Variants in WARS2 observed in about 807,000 individuals in gnomAD.
The protein encoded by WARS2 is tryptophan--tRNA ligase, mitochondrial.
WARS2 carries 28 observed loss-of-function variants against 36.5 expected under a neutral mutation model. The ratio of observed to expected loss-of-function variants is 0.77; its 90% CI spans 0.57 to 1.05. The LOEUF (loss-of-function observed/expected upper bound fraction) is 1.05, where lower values mean the gene tolerates loss of function less well. Ranked by LOEUF, WARS2 falls within the 50% of genes least tolerant of loss-of-function variation. The pLI is 0.00. For synonymous variants in WARS2, 174 were observed against 178.4 expected (o/e 0.98, Z 0.20); for missense variants, 435 against 456.8 (o/e 0.95, Z 0.44).
chr1:119,120,882 A>C (rs1655285067), intron 1 of WARS2, among the ~76,000 whole-genome samples: 1 of 152,144 alleles, frequency 6.6e-6, no homozygotes, highest in Non-Finnish European at 1.5e-5. Flanking sequence ...ATTAGCATAG[A>C]AGGGATATAT....
At chr1:119,040,594 G>A (rs1265910287) in intron 4 of WARS2, among the ~76,000 whole-genome samples, 1 of 152,182 alleles carries the variant, frequency 6.6e-6, no homozygotes, top group East Asian at 1.9e-4. Context: ...CTTCAGGCAT[G>A]CAACATCACA....
chr1:119,078,738 T>C (rs1651957392), intron 1 of WARS2, among the ~76,000 whole-genome samples: 1 of 152,214 alleles, frequency 6.6e-6, no homozygotes, highest in African/African-American at 2.4e-5. Context: ...GTCAATTACA[T>C]GTAGGGCATA....
intron 4 of WARS2, among the ~76,000 whole-genome samples, chr1:119,038,040 T>C (rs1033065312): frequency 2.0e-4 from 30 of 152,348 alleles, no homozygotes; most frequent in African/African-American, 7.0e-4. Flanking sequence ...AATAGCTTCC[T>C]GTTACTTTTT....
intron 1 of WARS2, among the ~76,000 whole-genome samples, chr1:119,137,751 G>A (rs997267863): frequency 2.6e-5 from 4 of 152,100 alleles, no homozygotes; most frequent in Admixed American, 6.5e-5. Flanking sequence ...AAAATAAACC[G>A]TTTTCATATA....
chr1:119,136,614 T>C (rs1652134589), intron 1 of WARS2, among the ~76,000 whole-genome samples: 1 of 152,186 alleles, frequency 6.6e-6, no homozygotes, highest in Non-Finnish European at 1.5e-5. Context: ...ACACATACCA[T>C]GCTGATTAGC....
intron 2 of WARS2, among the ~76,000 whole-genome samples, chr1:119,069,337 AT>A: frequency 6.6e-6 from 1 of 152,360 alleles, no homozygotes; most frequent in African/African-American, 2.4e-5. Context: ...CTCCCAAAAC[AT>A]TAAATAAAAT....
chr1:119,100,559 G>T (rs1653782254), intron 1 of WARS2, among the ~76,000 whole-genome samples: 1 of 152,338 alleles, frequency 6.6e-6, no homozygotes, highest in South Asian at 2.1e-4. Flanking sequence ...ATCAACAGAT[G>T]AATGGATAAA....
intron 1 of WARS2, among the ~76,000 whole-genome samples, chr1:119,088,170 G>T (rs1369821690): frequency 6.6e-6 from 1 of 152,074 alleles, no homozygotes. Context: ...AAAACATTAT[G>T]AATGAAAAAG....
At position 119,033,239 on chromosome 1, in the gene WARS2, C is replaced by G; in HGVS notation, c.755G>C (p.Arg252Pro). 6.2e-7 allele frequency: 1 copy of G among 1,614,246 alleles called. No individual in the cohort carries two copies. The highest frequency in any genetic ancestry group is 8.5e-7 in the Non-Finnish European group (1 of 1,180,036). The change falls in exon 6 of 6, where the codon CGC becomes CCC. Residue 252 changes from arginine (R) to proline (P), a missense_variant. By Grantham distance (103) the Arg-to-Pro change is moderately radical. Transcript: ENST00000235521. The stretch of plus-strand genomic sequence containing the variant: ...CGAGGTGAAGTCTGTCACAGCCTTG[C>G]GGAATTTCTGCACTATCTCCTCTGG... Reference protein sequence around the residue: ...DSPEEIVQKFRKAVTDFTSEV... With the variant: ...DSPEEIVQKFPKAVTDFTSEV...
chr1:119,115,827 T>C (rs1219860611), intron 1 of WARS2, among the ~76,000 whole-genome samples: 1 of 152,196 alleles, frequency 6.6e-6, no homozygotes, highest in East Asian at 1.9e-4. Context: ...CAGATGGGTG[T>C]TACTGTTAAT....
chr1:119,061,361 T>G (rs1372494775), intron 2 of WARS2, among the ~76,000 whole-genome samples: 2 of 152,132 alleles, frequency 1.3e-5, no homozygotes, highest in Non-Finnish European at 2.9e-5. Flanking sequence ...GCAGATAAAT[T>G]TTTTAAACCA....
chr1:119,082,455 G>A, intron 1 of WARS2: 1 of 985,274 alleles, frequency 1.0e-6, no homozygotes, highest in Non-Finnish European at 1.2e-6. Context: ...ATGTAGTGAA[G>A]GTAGGAATCA....
chr1:119,059,312 A>C (rs1478854766), intron 2 of WARS2, among the ~76,000 whole-genome samples: 1 of 151,864 alleles, frequency 6.6e-6, no homozygotes, highest in Non-Finnish European at 1.5e-5. Context: ...TAGTTTAATT[A>C]GATCCCATTT....
At chr1:119,071,749 A>C (rs995937616) in intron 2 of WARS2, among the ~76,000 whole-genome samples, 5 of 152,204 alleles carry the variant, frequency 3.3e-5, no homozygotes, top group Non-Finnish European at 7.3e-5. Context: ...TCTATGGTAC[A>C]ATATGGTGAC....
intron 2 of WARS2, among the ~76,000 whole-genome samples, chr1:119,074,193 A>T (rs1267997915): frequency 1.3e-5 from 2 of 152,294 alleles, no homozygotes; most frequent in East Asian, 3.9e-4. Context: ...TTGGCAATGG[A>T]TGTGAAGCTC....
chr1:119,125,646 A>G (rs928714970), intron 1 of WARS2, among the ~76,000 whole-genome samples: 1 of 152,210 alleles, frequency 6.6e-6, no homozygotes, highest in African/African-American at 2.4e-5. Flanking sequence ...TCAGGAGACA[A>G]TGGGTCCAAA....
At chr1:119,112,207 C>G (rs78270676) in intron 1 of WARS2, among the ~76,000 whole-genome samples, 13,767 of 152,212 alleles carry the variant, frequency 0.09, 857 homozygotes, top group Non-Finnish European at 0.13. Flanking sequence ...TAGGCATGAG[C>G]CACCACGTCT....
chr1:119,045,438 C>A (rs1648711875), intron 3 of WARS2, 144 bp downstream of exon 3: 3 of 653,802 alleles, frequency 4.6e-6, no homozygotes, highest in Non-Finnish European at 7.9e-6. Flanking sequence ...CTTTTAATAC[C>A]CTGAAGCAGG....
At chr1:119,065,452 C>T (rs545993170) in intron 2 of WARS2, among the ~76,000 whole-genome samples, 32 of 151,414 alleles carry the variant, frequency 2.1e-4, no homozygotes, top group Middle Eastern at 3.4e-3. Flanking sequence ...GCCAACATGA[C>T]GAAACCCCGT....
Sources: allele counts gnomAD v4.1 joint callset (sites outside exome capture counted in the v4.1 genomes callset), GRCh38; gene constraint gnomAD v4.1.1; transcripts MANE v1.5; gene names NCBI Gene and HGNC (gene_info 2026-07-23, HGNC 2026-07-21).